Variants in GRXCR1 observed in about 807,000 individuals in gnomAD.
GRXCR1 encodes glutaredoxin and cysteine rich domain containing 1, also known as glutaredoxin domain-containing cysteine-rich protein 1.
Under a neutral mutation model 27.3 loss-of-function variants are expected in GRXCR1, and 27 were observed. The observed-to-expected ratio is 0.99, with a 90% CI of 0.73 to 1.37. The LOEUF (loss-of-function observed/expected upper bound fraction) is 1.37, where lower values mean the gene tolerates loss of function less well. GRXCR1 is among the 40% of genes most tolerant of loss of function. The pLI is 0.00. For missense variants in GRXCR1, 379 were observed against 354.4 expected (o/e 1.07, Z -0.56); for synonymous variants, 122 against 131.1 (o/e 0.93, Z 0.47).
intron 3 of GRXCR1, 122 bp downstream of exon 3, chr4:43,020,541 A>T (rs79559691): frequency 5.6e-6 from 4 of 719,998 alleles, no homozygotes; most frequent in Non-Finnish European, 1.0e-5. Flanking sequence ...AATAGGATAC[A>T]TGTGGCAGTT....
chr4:42,938,235 T>C (rs1747505571), intron 1 of GRXCR1, among the ~76,000 whole-genome samples: 3 of 152,044 alleles, frequency 2.0e-5, no homozygotes, highest in Non-Finnish European at 2.9e-5. Flanking sequence ...GTTCCATTCA[T>C]GTTGTAAGTG....
chr4:42,982,941 G>C (rs1460462347), intron 2 of GRXCR1, among the ~76,000 whole-genome samples: 1 of 151,932 alleles, frequency 6.6e-6, no homozygotes, highest in East Asian at 1.9e-4. Flanking sequence ...GTTCATTGTA[G>C]ATTCTGGATA....
intron 1 of GRXCR1, among the ~76,000 whole-genome samples, chr4:42,901,073 C>T (rs1228077719): frequency 6.6e-6 from 1 of 152,126 alleles, no homozygotes; most frequent in Non-Finnish European, 1.5e-5. Context: ...AAGTAAATAT[C>T]CCCTTTTTAA....
intron 1 of GRXCR1, among the ~76,000 whole-genome samples, chr4:42,912,255 G>T (rs1746738372): frequency 6.6e-6 from 1 of 152,150 alleles, no homozygotes; most frequent in Non-Finnish European, 1.5e-5. Context: ...GCAGTTTGTA[G>T]GTTAGGAAGA....
chr4:42,980,197 G>T (rs1201368449), intron 2 of GRXCR1, among the ~76,000 whole-genome samples: 2 of 151,478 alleles, frequency 1.3e-5, no homozygotes, highest in Admixed American at 1.3e-4. Context: ...AGTTTAGTTT[G>T]TTCTTGTACA....
At chr4:42,908,939 G>A (rs960115295) in intron 1 of GRXCR1, among the ~76,000 whole-genome samples, 1 of 152,138 alleles carries the variant, frequency 6.6e-6, no homozygotes, top group Admixed American at 6.5e-5. Context: ...GGCACATGTT[G>A]TGCCCAAACC....
At chr4:42,973,397 A>G (rs1748432773) in intron 2 of GRXCR1, among the ~76,000 whole-genome samples, 1 of 151,992 alleles carries the variant, frequency 6.6e-6, no homozygotes, top group African/African-American at 2.4e-5. Context: ...CAGAAGTTCC[A>G]TTGCCATTTC....
Position 42,996,675 on chromosome 4 carries a change from G to A in GRXCR1, c.628-23679G>A, listed in dbSNP as rs573558164. Reference sequence around the variant, plus strand: ...CAGCAAAACTGTAAATCCTACAAGTGTAGGTTTATTGTAGACAGCTATCAT... The same window carrying A: ...CAGCAAAACTGTAAATCCTACAAGTATAGGTTTATTGTAGACAGCTATCAT... On this transcript the variant is annotated intron_variant, in intron 2 of 3. Coordinates refer to ENST00000399770, the MANE Select transcript of GRXCR1 (RefSeq NM_001080476.3). Among the ~76,000 whole-genome samples, 34 of 151,964 alleles carry A rather than the reference G, an allele frequency of 2.2e-4. No individual in the cohort carries two copies. In the South Asian group the frequency reaches 7.1e-3, roughly 32 times the overall value.
intron 2 of GRXCR1, among the ~76,000 whole-genome samples, chr4:43,005,851 G>C (rs1404213186): frequency 1.3e-5 from 2 of 152,172 alleles, no homozygotes; most frequent in African/African-American, 4.8e-5. Context: ...TATGAGAAAT[G>C]ACTATGAATC....
chr4:42,969,983 CA>C (rs1577925345), intron 2 of GRXCR1, among the ~76,000 whole-genome samples: 1 of 152,076 alleles, frequency 6.6e-6, no homozygotes, highest in East Asian at 1.9e-4. Flanking sequence ...GGCTCCCATT[CA>C]AAAAGGGAAA....
rs1350523346 is a variant in GRXCR1 at position 42,982,740 on chromosome 4, T to C, written c.627+19606T>C. Among the ~76,000 whole-genome samples, 735 of 147,670 alleles carry C rather than the reference T, an allele frequency of 5.0e-3. 5 individuals carry two copies. Among genetic ancestry groups the C allele is most frequent in the African/African-American group, 0.017 (704 of 40,536 alleles). On this transcript the variant is annotated intron_variant, in intron 2 of 3. Coordinates refer to ENST00000399770, the MANE Select transcript of GRXCR1 (RefSeq NM_001080476.3). ...CTGTTGTTTCCTGACTTTTTAATGA[T>C]TGCCATTCTAACTGGTGTGAGATGG...
At chr4:42,983,757 T>A (rs541258021) in intron 2 of GRXCR1, among the ~76,000 whole-genome samples, 1 of 152,168 alleles carries the variant, frequency 6.6e-6, no homozygotes, top group South Asian at 2.1e-4. Flanking sequence ...CTTTTTAAAA[T>A]TCTTTTTTAT....
rs534285321 is a variant in GRXCR1, at chr4:42,909,383, A to C, written c.384+15733A>C. 3.3e-5 allele frequency among the ~76,000 whole-genome samples: 5 copies of C among 152,290 alleles called. No homozygotes were observed. In the East Asian group the frequency reaches 9.7e-4, roughly 29 times the overall value. ...CATACCCCGAAGTTAGTTTACCCGC[A>C]CATCTCTGGAAGTGGGGATACTAGA... On this transcript the variant is annotated intron_variant, in intron 1 of 3. Transcript: ENST00000399770.
chr4:42,914,395 G>A (rs933244746), intron 1 of GRXCR1, among the ~76,000 whole-genome samples: 2 of 152,212 alleles, frequency 1.3e-5, no homozygotes, highest in African/African-American at 4.8e-5. Flanking sequence ...GAACTTTAAG[G>A]TTTAATAACT....
At chr4:42,968,051 C>A (rs1748287963) in intron 2 of GRXCR1, among the ~76,000 whole-genome samples, 1 of 152,116 alleles carries the variant, frequency 6.6e-6, no homozygotes. Flanking sequence ...CTCTGCTGAG[C>A]AGCCAGTCTG....
chr4:42,934,928 C>T (rs971662173), intron 1 of GRXCR1, among the ~76,000 whole-genome samples: 3 of 151,912 alleles, frequency 2.0e-5, no homozygotes, highest in African/African-American at 7.2e-5. Context: ...ATGAACATTT[C>T]CTCCCCAGGA....
At chr4:42,956,534 C>T (rs1007138552) in intron 1 of GRXCR1, among the ~76,000 whole-genome samples, 1 of 151,886 alleles carries the variant, frequency 6.6e-6, no homozygotes, top group African/African-American at 2.4e-5. Context: ...TCCAACTTAT[C>T]ACTCTACCTC....
intron 1 of GRXCR1, among the ~76,000 whole-genome samples, chr4:42,926,242 CT>C (rs564611299): frequency 9.9e-5 from 15 of 151,764 alleles, no homozygotes; most frequent in Non-Finnish European, 7.4e-5. Context: ...TCCTTTCATT[CT>C]TTTTTTTCTT....
At chr4:42,913,827 AC>A (rs1448008824) in intron 1 of GRXCR1, among the ~76,000 whole-genome samples, 1 of 152,208 alleles carries the variant, frequency 6.6e-6, no homozygotes, top group African/African-American at 2.4e-5. Flanking sequence ...CAGCCTCAGG[AC>A]ATTGTGCCCT....
Sources: gnomAD v4.1 joint callset for allele counts (sites outside exome capture counted in the v4.1 genomes callset) on GRCh38, gnomAD v4.1.1 for gene constraint, MANE v1.5 for transcripts, NCBI Gene and HGNC (gene_info 2026-07-23, HGNC 2026-07-21) for gene names.